PCDHGB5: variants seen among roughly 807,000 people sequenced by gnomAD.
PCDHGB5 encodes protocadherin gamma-B5.
A neutral mutation model predicts 62.9 loss-of-function variants in PCDHGB5; 48 were observed. The ratio of observed to expected loss-of-function variants is 0.76; its 90% confidence interval spans 0.61 to 0.97. The LOEUF (loss-of-function observed/expected upper bound fraction) is 0.97, where lower values mean the gene tolerates loss of function less well. PCDHGB5 is among the 50% of genes least tolerant of loss of function. The pLI is 0.00. For missense variants in PCDHGB5, 1,118 were observed against 1,198.6 expected (o/e 0.93, Z 0.99); for synonymous variants, 474 against 511.2 (o/e 0.93, Z 0.98).
Position 141,485,096 on chromosome 5 carries a change from CCAG to C in PCDHGB5, c.2398-9709_2398-9707del. The C allele has an allele frequency of 8.9e-7, 1 of 1,125,684 alleles. No homozygotes were observed. The highest frequency in any genetic ancestry group is 1.3e-6 in the Non-Finnish European group (1 of 759,466). 69.7% of individuals were successfully genotyped at this position (1,125,684 alleles called of 1,614,324 possible). A position where few individuals can be genotyped will look rare whatever the true frequency, so the allele number is the denominator to read the frequency against. ...CGCGGGGAAAGGGAGATAGGTGTCTCCAGCTGCTGTGGCTGTTTGGGGCGGGTC... is the reference window on the plus strand; with the variant it reads ...CGCGGGGAAAGGGAGATAGGTGTCTCCTGCTGTGGCTGTTTGGGGCGGGTC... On this transcript the variant is annotated intron_variant, in intron 1 of 3. Transcript: ENST00000617380. The surrounding 1 kb of genome is among the most constrained non-coding windows in gnomAD (Gnocchi z 5.7).
At chr5:141,417,993 C>T (rs753867006) in intron 1 of PCDHGB5, 11 of 1,613,830 alleles carry the variant, frequency 6.8e-6, no homozygotes, top group Non-Finnish European at 7.6e-6. Flanking sequence ...GCCAAGGGCT[C>T]GGTGGTGGGG....
chr5:141,418,883 G>A (rs376245268), intron 1 of PCDHGB5: 5 of 1,613,960 alleles, frequency 3.1e-6, no homozygotes, highest in East Asian at 2.2e-5. Flanking sequence ...AGACGAAAAC[G>A]ACAACAGCCC....
intron 1 of PCDHGB5, among the ~76,000 whole-genome samples, chr5:141,466,909 ACTC>A (rs1249720055): frequency 6.6e-6 from 1 of 151,110 alleles, no homozygotes; most frequent in Non-Finnish European, 1.5e-5. Flanking sequence ...GTTTTTGAAA[ACTC>A]CTTGTATTAG....
intron 1 of PCDHGB5, chr5:141,410,823 C>CCAGACTGA (rs2095425464): frequency 2.1e-6 from 1 of 479,988 alleles, no homozygotes; most frequent in African/African-American, 2.5e-5. Flanking sequence ...AATAATGTCA[C>CCAGACTGA]CAGACTGAAG....
chr5:141,471,568 A>G (rs947450908), intron 1 of PCDHGB5: 3 of 152,214 alleles, frequency 2.0e-5, no homozygotes, highest in Non-Finnish European at 2.9e-5. Context: ...CAGGGGTAGC[A>G]GTAGATAGGG....
chr5:141,410,849 C>G, intron 1 of PCDHGB5: 1 of 136,716 alleles, frequency 7.3e-6, no homozygotes, highest in Non-Finnish European at 1.2e-5. Flanking sequence ...TTGTCTTTGT[C>G]TTTTTTTTTT....
chr5:141,424,434 T>C (rs2096821185), intron 1 of PCDHGB5: 1 of 151,048 alleles, frequency 6.6e-6, no homozygotes, highest in Admixed American at 6.6e-5. Flanking sequence ...GAGGAAATAA[T>C]TGAATTATTG....
intron 2 of PCDHGB5, among the ~76,000 whole-genome samples, chr5:141,504,211 A>G (rs2099836609): frequency 6.6e-6 from 1 of 152,218 alleles, no homozygotes. Flanking sequence ...GGAAAATTCC[A>G]AGTAGAGCTG....
At chr5:141,470,900 G>A (rs1454085317) in intron 1 of PCDHGB5, among the ~76,000 whole-genome samples, 4 of 151,832 alleles carry the variant, frequency 2.6e-5, no homozygotes, top group African/African-American at 9.7e-5. Context: ...GTTTTTTGTA[G>A]AGATGGGACT....
At position 141,489,947 on chromosome 5, in the gene PCDHGB5, A is replaced by G. The variant is rs368977481; in HGVS notation, c.2398-4860A>G. The G allele has an allele frequency of 5.4e-5, 87 of 1,614,090 alleles. No individual in the cohort carries two copies. Among genetic ancestry groups the G allele is most frequent in the South Asian group, 6.6e-5 (6 of 91,094 alleles). ...ATCTCTGTCATCGTGCTGGACATCA[A>G]TGATAATGCTCCAACCTTCCAATCC... On this transcript the variant is annotated intron_variant, in intron 1 of 3. Transcript: ENST00000617380. This position sits in a 1 kb window ranked among gnomAD's most constrained non-coding sequence, Gnocchi z 4.5.
chr5:141,496,499 G>A (rs1417059875), intron 2 of PCDHGB5, among the ~76,000 whole-genome samples: 1 of 152,102 alleles, frequency 6.6e-6, no homozygotes, highest in Non-Finnish European at 1.5e-5. Context: ...AACCCTTGTT[G>A]CCACAAGGAC....
chr5:141,399,656 T>C lies in PCDHGB5; in HGVS notation c.1529T>C (p.Val510Ala). The change falls in exon 1 of 4, where the codon GTG becomes GCG. Residue 510 changes from valine (V) to alanine (A), a missense_variant. Coordinates refer to ENST00000617380, the MANE Select transcript of PCDHGB5 (RefSeq NM_018925.3). ...TCCATGAGCGCGCAAAGTGGGGTGG[T>C]GTTCGCGCAGCGCGCCTTTGACTAC... ...YVSMSAQSGV[V>A]FAQRAFDYEQ... 6.2e-7 allele frequency: 1 copy of C among 1,613,694 alleles called. No individual in the cohort carries two copies. Among genetic ancestry groups the C allele is most frequent in the Non-Finnish European group, 8.5e-7 (1 of 1,179,880 alleles).
At chr5:141,415,252 C>T (rs895920596) in intron 1 of PCDHGB5, 5 of 1,614,098 alleles carry the variant, frequency 3.1e-6, no homozygotes, top group Non-Finnish European at 4.2e-6. Context: ...AACCTCAGAC[C>T]TCACTCTGTA....
intron 1 of PCDHGB5, among the ~76,000 whole-genome samples, chr5:141,474,726 A>G (rs549082085): frequency 6.6e-6 from 1 of 152,358 alleles, no homozygotes; most frequent in South Asian, 2.1e-4. Flanking sequence ...AAAGGACTCT[A>G]TGCAATCAAA....
Position 141,490,869 on chromosome 5 carries a change from A to AT in PCDHGB5, c.2398-3936dup. 1.2e-6 allele frequency: 2 copies of AT among 1,613,902 alleles called. No individual in the cohort carries two copies. Among genetic ancestry groups the AT allele is most frequent in the Non-Finnish European group, 8.5e-7 (1 of 1,179,954 alleles). ...GGGTTCGAGACTCCGGCTCTCCCCC[A>AT]TTGCATGCCAACACATCTCTGCATG... On this transcript the variant is annotated intron_variant, in intron 1 of 3. Coordinates refer to ENST00000617380, the MANE Select transcript of PCDHGB5 (RefSeq NM_018925.3). This position sits in a 1 kb window ranked among gnomAD's most constrained non-coding sequence, Gnocchi z 5.4.
chr5:141,472,132 A>C (rs1004365239), intron 1 of PCDHGB5, among the ~76,000 whole-genome samples: 3 of 152,272 alleles, frequency 2.0e-5, no homozygotes, highest in African/African-American at 7.2e-5. Flanking sequence ...GAGAAGTTAA[A>C]AATAAAAGTT....
At chr5:141,444,056 A>G (rs1055292734) in intron 1 of PCDHGB5, among the ~76,000 whole-genome samples, 7 of 151,740 alleles carry the variant, frequency 4.6e-5, no homozygotes, top group Non-Finnish European at 7.4e-5. Context: ...GGCATCTTCA[A>G]TCTAGATTCT....
intron 1 of PCDHGB5, 162 bp from the exon 2 acceptor site, chr5:141,494,645 G>A: frequency 1.1e-6 from 1 of 935,948 alleles, no homozygotes. Flanking sequence ...GAGACCTGAG[G>A]TGTATTTTGT....
chr5:141,491,537 C>T lies in PCDHGB5; in HGVS notation c.2398-3270C>T, dbSNP rs1330469043. The T allele has an allele frequency of 3.1e-6, 5 of 1,613,908 alleles. No homozygotes were observed. The highest frequency in any genetic ancestry group is 4.2e-6 in the Non-Finnish European group (5 of 1,180,020). On this transcript the variant is annotated intron_variant, in intron 1 of 3. Transcript: ENST00000617380. This position sits in a 1 kb window ranked among gnomAD's most constrained non-coding sequence, Gnocchi z 6.9. ...AAGTACATGGAGGTGACGCTGCGGC[C>T]CACAGACTCGCAGAGCCACTGCTAC...
Sources: allele counts gnomAD v4.1 joint callset (sites outside exome capture counted in the v4.1 genomes callset), GRCh38; gene constraint gnomAD v4.1.1; non-coding constraint Gnocchi (gnomAD v3.1); transcripts MANE v1.5; gene names NCBI Gene and HGNC (gene_info 2026-07-23, HGNC 2026-07-21).